TRIM14: variants seen among roughly 807,000 people sequenced by gnomAD.
TRIM14 encodes tripartite motif containing 14, also known as tripartite motif-containing protein 14.
In TRIM14, 28 loss-of-function variants were observed where a neutral mutation model predicts 44.5. The ratio of observed to expected loss-of-function variants is 0.63; its 90% CI spans 0.47 to 0.86. TRIM14 has a LOEUF of 0.86. Ranked by LOEUF, TRIM14 falls within the 40% of genes least tolerant of loss-of-function variation. The pLI is 0.00. For synonymous variants in TRIM14, 299 were observed against 269.2 expected, an observed-to-expected ratio of 1.11 and a Z score of -1.08; for missense variants, 607 against 611.1, an observed-to-expected ratio of 0.99 and a Z score of 0.07.
chr9:98,042,356 T>C, the TRIM14 span, among the ~76,000 whole-genome samples: 4 of 151,900 alleles, frequency 2.6e-5, no homozygotes, highest in Non-Finnish European at 5.9e-5. Context: ...GGACACTTAG[T>C]ATCTATTATT....
chr9:98,052,003 C>T, the TRIM14 span, among the ~76,000 whole-genome samples: 1 of 152,104 alleles, frequency 6.6e-6, no homozygotes, highest in African/African-American at 2.4e-5. Flanking sequence ...TGCCATTAGC[C>T]ATCCCTTAAA....
intron 6 of TRIM14, chr9:98,075,531 G>T (rs115061181): frequency 4.6e-5 from 7 of 151,820 alleles, no homozygotes; most frequent in African/African-American, 1.2e-4. Context: ...CCGTCGGTCC[G>T]TCGGTCCTAG....
At chr9:98,082,889 C>A (rs1274105383), downstream of TRIM14, 2 of 1,614,126 alleles carry the variant, frequency 1.2e-6, no homozygotes, top group South Asian at 1.1e-5. Flanking sequence ...CCGGAAGGCA[C>A]CATTCTAACA....
the TRIM14 span, among the ~76,000 whole-genome samples, chr9:98,050,811 T>C: frequency 2.0e-5 from 3 of 152,134 alleles, no homozygotes; most frequent in Admixed American, 6.6e-5. Context: ...GTCTACTCTG[T>C]CACCCAGGCT....
chr9:98,062,604 T>C, the TRIM14 span, among the ~76,000 whole-genome samples: 7 of 152,304 alleles, frequency 4.6e-5, no homozygotes, highest in East Asian at 5.8e-4. Flanking sequence ...TGCCTGCTGG[T>C]ACTATTTAGT....
rs1299093065 is a variant in TRIM14 at position 98,087,442 on chromosome 9, C to T, written c.*28G>A. 2 of 1,606,886 alleles carry T rather than the reference C, an allele frequency of 1.2e-6. No homozygotes were observed. The highest frequency in any genetic ancestry group is 1.3e-5 in the African/African-American group (1 of 74,934). ...GCGAGACTGGGCAGCTGCGGCGTAC[C>T]TGGAGGCTGTCACGCCGGTCCTGGC... On this transcript the variant is annotated 3_prime_UTR_variant, in exon 6 of 6. Coordinates refer to ENST00000341469, the MANE Select transcript of TRIM14 (RefSeq NM_014788.4).
rs1046488215 is a variant in TRIM14 at position 98,095,954 on chromosome 9, A to G, written c.538-925T>C. On this transcript the variant is annotated intron_variant, in intron 3 of 5. Transcript: ENST00000341469. This position sits in a 1 kb window ranked among gnomAD's most constrained non-coding sequence, Gnocchi z 4.1. The stretch of plus-strand genomic sequence containing the variant: ...CCTATGGGCTATCTCATACTCTTCC[A>G]TAAACTCCTTTCTTGCTTAAAACAG... Among the ~76,000 whole-genome samples, 1 of 152,216 alleles carries G rather than the reference A, an allele frequency of 6.6e-6. No homozygotes were observed.
In TRIM14 at chr9:98,085,954, C is replaced by T. The variant is rs559186842; in HGVS notation, c.*1516G>A. The T allele has an allele frequency of 4.6e-5, 7 of 152,158 alleles. No homozygotes were observed. Among genetic ancestry groups the T allele is most frequent in the African/African-American group, 1.4e-4 (6 of 41,402 alleles). 9.4% of individuals were successfully genotyped at this position (152,158 alleles called of 1,614,324 possible). On this transcript the variant is annotated 3_prime_UTR_variant, in exon 6 of 6. Transcript: ENST00000341469. The stretch of plus-strand genomic sequence containing the variant: ...CGTCTAGGGAATTGACAAAACAGGA[C>T]GCAGAACCTTCAGAACGGAGACACA...
rs1259866005 is a variant in TRIM14, at chr9:98,086,919, G to A, written c.*551C>T. 6.0e-6 allele frequency: 1 copy of A among 166,952 alleles called. No individual in the cohort carries two copies. The highest frequency in any genetic ancestry group is 1.3e-5 in the Non-Finnish European group (1 of 77,612). 10.3% of individuals were successfully genotyped at this position (166,952 alleles called of 1,614,324 possible). On this transcript the variant is annotated 3_prime_UTR_variant, in exon 6 of 6. Transcript: ENST00000341469. ...CTCTAGTTTTAGGGTGGAAGATGAG[G>A]ACTGGGAGAGGGTTCAGACCAGGAA...
intron 6 of TRIM14, chr9:98,076,042 C>T (rs1013335210): frequency 1.3e-5 from 2 of 151,906 alleles, no homozygotes; most frequent in Admixed American, 1.3e-4. Context: ...CAAGCAGTGA[C>T]GTTATATCTG....
chr9:98,041,372 G>C, the TRIM14 span, among the ~76,000 whole-genome samples: 1 of 151,958 alleles, frequency 6.6e-6, no homozygotes, highest in Non-Finnish European at 1.5e-5. Context: ...TTTTAGTAGA[G>C]ATGGGGTTTC....
chr9:98,047,440 A>T, the TRIM14 span, among the ~76,000 whole-genome samples: 1 of 152,150 alleles, frequency 6.6e-6, no homozygotes, highest in African/African-American at 2.4e-5. Context: ...CCAAAAAGAT[A>T]TTCAAGCTCT....
downstream of TRIM14, among the ~76,000 whole-genome samples, chr9:98,067,260 G>A (rs866163618): frequency 3.3e-5 from 5 of 151,962 alleles, no homozygotes; most frequent in South Asian, 4.1e-4. Context: ...ATTTCTCTTC[G>A]GTATTACATA....
chr9:98,065,977 C>T (rs1370838888), downstream of TRIM14, among the ~76,000 whole-genome samples: 1 of 152,108 alleles, frequency 6.6e-6, no homozygotes, highest in East Asian at 1.9e-4. Context: ...ACAGCCTTCC[C>T]CAGAGTAATC....
downstream of TRIM14, among the ~76,000 whole-genome samples, chr9:98,080,040 CCT>C (rs1829782938): frequency 6.6e-6 from 1 of 152,156 alleles, no homozygotes; most frequent in South Asian, 2.1e-4. Context: ...GTGGCGAAAC[CCT>C]GTCTCTACTA....
At chr9:98,060,876 C>G in the TRIM14 span, 1 of 1,614,158 alleles carries the variant, frequency 6.2e-7, no homozygotes, top group Non-Finnish European at 8.5e-7. Context: ...TCGAAGCATT[C>G]CTGGGGGAAG....
chr9:98,115,439 T>C (rs1315217438), intron 1 of TRIM14, among the ~76,000 whole-genome samples: 6 of 152,164 alleles, frequency 3.9e-5, no homozygotes, highest in Non-Finnish European at 2.9e-5. Context: ...TTAGTAGAGA[T>C]AGGTTTCACC....
At chr9:98,088,303 G>C (rs1825871477) in intron 5 of TRIM14, among the ~76,000 whole-genome samples, 1 of 152,106 alleles carries the variant, frequency 6.6e-6, no homozygotes, top group Non-Finnish European at 1.5e-5. Context: ...ACATTAGGGT[G>C]TGTGTACTTC....
At chr9:98,083,120 G>A (rs937655970), downstream of TRIM14, 33 of 1,500,238 alleles carry the variant, frequency 2.2e-5, no homozygotes, top group Non-Finnish European at 2.9e-5. Context: ...GTTTGAGTGA[G>A]GCGAGGGCAG....
Sources: gnomAD v4.1 joint callset for allele counts (sites outside exome capture counted in the v4.1 genomes callset) on GRCh38, gnomAD v4.1.1 for gene constraint, Gnocchi (gnomAD v3.1) non-coding constraint, MANE v1.5 for transcripts, NCBI Gene and HGNC (gene_info 2026-07-23, HGNC 2026-07-21) for gene names.